The following GINS4 variants were observed in gnomAD, a reference collection of about 807,000 sequenced individuals.
GINS4 encodes GINS complex subunit 4, also known as DNA replication complex GINS protein SLD5.
Under a neutral mutation model 31.1 loss-of-function variants are expected in GINS4, and 20 were observed. The ratio of observed to expected loss-of-function variants is 0.64; its 90% CI spans 0.45 to 0.93. GINS4 has a LOEUF of 0.93. GINS4 is among the 40% of genes least tolerant of loss of function. The pLI is 0.00. For missense variants in GINS4, 245 were observed against 273.9 expected (o/e 0.89, Z 0.75); for synonymous variants, 85 against 97.9 (o/e 0.87, Z 0.78).
At position 41,542,400 on chromosome 8, in the gene GINS4, C is replaced by CA. The variant is rs949795329; in HGVS notation, c.*323dup. ...TTGTCTCAAAAAAAAAAACAAAAAA[C>CA]AAAAAAAAAACAAACTAGGCATAAA... is the stretch of plus-strand genomic sequence containing the variant. On this transcript the variant is annotated 3_prime_UTR_variant, in exon 8 of 8. Coordinates refer to ENST00000276533, the MANE Select transcript of GINS4 (RefSeq NM_032336.3). The CA allele has an allele frequency of 0.014, 4,266 of 296,114 alleles. No individual in the cohort carries two copies. The highest frequency in any genetic ancestry group is 0.026 in the South Asian group (651 of 24,572). 18.3% of individuals were successfully genotyped at this position (296,114 alleles called of 1,614,324 possible).
chr8:41,541,508 C>T (rs903974432), intron 6 of GINS4, among the ~76,000 whole-genome samples: 2 of 152,180 alleles, frequency 1.3e-5, no homozygotes, highest in African/African-American at 2.4e-5. Context: ...GTTAGGGCTT[C>T]AGCGTATGAA....
At chr8:41,534,302 G>T in intron 2 of GINS4, 1 of 395,872 alleles carries the variant, frequency 2.5e-6, no homozygotes, top group Non-Finnish European at 5.1e-6. Context: ...AGCTACTCTG[G>T]AGGCTGAGGC....
chr8:41,531,925 G>A (rs947864369), intron 2 of GINS4, among the ~76,000 whole-genome samples: 16 of 152,306 alleles, frequency 1.1e-4, no homozygotes, highest in African/African-American at 3.6e-4. Flanking sequence ...CTGAGTAGCT[G>A]GGCCTACAGG....
At chr8:41,533,302 C>T (rs1806680369) in intron 2 of GINS4, among the ~76,000 whole-genome samples, 1 of 152,240 alleles carries the variant, frequency 6.6e-6, no homozygotes, top group South Asian at 2.1e-4. Flanking sequence ...ATGTGGCACA[C>T]TGCTATGCCA....
intron 2 of GINS4, among the ~76,000 whole-genome samples, chr8:41,535,655 T>C (rs1806729723): frequency 1.3e-5 from 2 of 152,216 alleles, no homozygotes; most frequent in South Asian, 2.1e-4. Flanking sequence ...TTTCCTGTAA[T>C]TGAAAGATAA....
chr8:41,542,446 A>AT lies in GINS4; in HGVS notation c.*359_*360insT, dbSNP rs1390940098. ...ATAAACTCATGAGGTCAGGAGATCAAGACCATCCTGGCTACTAAACCCCAT... is the reference window on the plus strand; with the variant it reads ...ATAAACTCATGAGGTCAGGAGATCAATGACCATCCTGGCTACTAAACCCCAT... On this transcript the variant is annotated 3_prime_UTR_variant, in exon 8 of 8. Coordinates refer to ENST00000276533, the MANE Select transcript of GINS4 (RefSeq NM_032336.3). 1 of 279,418 alleles carries AT rather than the reference A, an allele frequency of 3.6e-6. No individual in the cohort carries two copies. The highest frequency in any genetic ancestry group is 2.2e-5 in the African/African-American group (1 of 45,818). The allele number at this position is 279,418 out of a possible 1,614,324, so 17.3% of individuals were successfully genotyped here.
At chr8:41,535,569 GCAGA>G (rs1806728360) in intron 2 of GINS4, among the ~76,000 whole-genome samples, 1 of 152,108 alleles carries the variant, frequency 6.6e-6, no homozygotes, top group Admixed American at 6.5e-5. Context: ...ATGGGGAGAA[GCAGA>G]CACTCAAGGA....
intron 4 of GINS4, among the ~76,000 whole-genome samples, chr8:41,539,055 C>A (rs575932197): frequency 1.1e-4 from 17 of 151,718 alleles, no homozygotes; most frequent in Non-Finnish European, 2.4e-4. Context: ...GTTACAGGCT[C>A]ACGCCTATAA....
rs1806878666 is a variant in GINS4, at chr8:41,543,424, C to T, written c.*1337C>T. ...GACGTTAACCATCTTGTATTGTGAC[C>T]TGTGGCCGCTTTTCTGGTTTAAGTC... On this transcript the variant is annotated 3_prime_UTR_variant, in exon 8 of 8. Coordinates refer to ENST00000276533, the MANE Select transcript of GINS4 (RefSeq NM_032336.3). 6.6e-6 allele frequency: 1 copy of T among 152,182 alleles called. No homozygotes were observed. The highest frequency in any genetic ancestry group is 1.5e-5 in the Non-Finnish European group (1 of 68,046). The allele number at this position is 152,182 out of a possible 1,614,324, so 9.4% of individuals were successfully genotyped here.
At position 41,542,265 on chromosome 8, in the gene GINS4, T is replaced by C; in HGVS notation, c.*178T>C. On this transcript the variant is annotated 3_prime_UTR_variant, in exon 8 of 8. Coordinates refer to ENST00000276533, the MANE Select transcript of GINS4 (RefSeq NM_032336.3). ...GGGTGTTGGTGGTGTGCACCTGTAATCCCAGCTACTCAGGAGGCCGGGGCA... is the reference window on the plus strand; with the variant it reads ...GGGTGTTGGTGGTGTGCACCTGTAACCCCAGCTACTCAGGAGGCCGGGGCA... 1.7e-6 allele frequency: 1 copy of C among 604,496 alleles called. No homozygotes were observed. Among genetic ancestry groups the C allele is most frequent in the South Asian group, 1.8e-5 (1 of 54,416 alleles). 37.4% of individuals were successfully genotyped at this position (604,496 alleles called of 1,614,324 possible). A position where few individuals can be genotyped will look rare whatever the true frequency, so the allele number is the denominator to read the frequency against.
intron 2 of GINS4, chr8:41,534,361 C>T (rs1255440162): frequency 4.0e-6 from 1 of 246,986 alleles, no homozygotes; most frequent in Non-Finnish European, 8.6e-6. Flanking sequence ...GAGCCATTAT[C>T]ATGCCACTGT....
chr8:41,537,091 G>T, intron 3 of GINS4, 89 bp from the exon 4 acceptor site: 3 of 747,022 alleles, frequency 4.0e-6, no homozygotes, highest in Admixed American at 2.3e-5. Context: ...TGTTTTCCTT[G>T]GACTGAAACA....
chr8:41,542,351 T>C lies in GINS4; in HGVS notation c.*264T>C. ...GTGAGCCGAGGTCGTGCCATTGCACTCCAGCCTGGGTGACAGTGAGACTTT... is the reference window on the plus strand; with the variant it reads ...GTGAGCCGAGGTCGTGCCATTGCACCCCAGCCTGGGTGACAGTGAGACTTT... On this transcript the variant is annotated 3_prime_UTR_variant, in exon 8 of 8. Transcript: ENST00000276533. 1 of 448,004 alleles carries C rather than the reference T, an allele frequency of 2.2e-6. No individual in the cohort carries two copies. The allele number at this position is 448,004 out of a possible 1,614,324, so 27.8% of individuals were successfully genotyped here. A position where few individuals can be genotyped will look rare whatever the true frequency, so the allele number is the denominator to read the frequency against.
In GINS4 at chr8:41,541,992, G is replaced by A. The variant is rs777955735; in HGVS notation, c.577G>A (p.Asp193Asn). 4.3e-6 allele frequency: 7 copies of A among 1,613,868 alleles called. No individual in the cohort carries two copies. In the Admixed American group the frequency reaches 1.2e-4, roughly 27 times the overall value. The change falls in exon 8 of 8, where the codon GAC (aspartate) becomes AAC (asparagine). Residue 193 changes from aspartate (D) to asparagine (N), a missense_variant and splice_region_variant. By Grantham distance (23) the Asp-to-Asn change is conservative (BLOSUM62 1). Coordinates refer to ENST00000276533, the MANE Select transcript of GINS4 (RefSeq NM_032336.3). ...CAAATGTGTTTCCCTCTTTTTCAGG[G>A]ACTACGTGATTGACCTGGAGAAGGG... Reference protein sequence around the residue: ...LVEPDTDEQRDYVIDLEKGSQ... With the variant: ...LVEPDTDEQRNYVIDLEKGSQ...
rs1470783315 is a variant in GINS4, at chr8:41,542,387, AAAAAAC to A, written c.*306_*311del. 4.7e-5 allele frequency: 18 copies of A among 382,822 alleles called. No individual in the cohort carries two copies. The East Asian group carries it at 8.4e-4, about 18-fold the overall frequency. The allele number at this position is 382,822 out of a possible 1,614,324, so 23.7% of individuals were successfully genotyped here. A position where few individuals can be genotyped will look rare whatever the true frequency, so the allele number is the denominator to read the frequency against. Reference sequence around the variant, plus strand: ...TGACAGTGAGACTTTGTCTCAAAAAAAAAAACAAAAAACAAAAAAAAAACAAACTAG... The same window carrying A: ...TGACAGTGAGACTTTGTCTCAAAAAAAAAAAACAAAAAAAAAACAAACTAG... On this transcript the variant is annotated 3_prime_UTR_variant, in exon 8 of 8. Coordinates refer to ENST00000276533, the MANE Select transcript of GINS4 (RefSeq NM_032336.3).
intron 2 of GINS4, among the ~76,000 whole-genome samples, chr8:41,535,199 A>T (rs1410119268): frequency 2.0e-5 from 3 of 152,062 alleles, no homozygotes; most frequent in Non-Finnish European, 4.4e-5. Context: ...TTAGCTGGGC[A>T]TAGTGGCACA....
intron 2 of GINS4, among the ~76,000 whole-genome samples, chr8:41,533,349 C>G (rs1806680974): frequency 6.6e-6 from 1 of 152,240 alleles, no homozygotes; most frequent in South Asian, 2.1e-4. Context: ...CCTTCCAGGA[C>G]AGCTGGAGCC....
At chr8:41,540,757 G>A (rs915427250) in intron 6 of GINS4, among the ~76,000 whole-genome samples, 2 of 152,322 alleles carry the variant, frequency 1.3e-5, no homozygotes, top group South Asian at 4.1e-4. Flanking sequence ...CAGTACACCC[G>A]AGCCCTGGAA....
intron 2 of GINS4, among the ~76,000 whole-genome samples, chr8:41,532,548 G>A (rs113321799): frequency 0.022 from 3,418 of 152,044 alleles, 57 homozygotes; most frequent in Middle Eastern, 0.051. Flanking sequence ...TAAGAATATA[G>A]GGCAGGCCGG....
Sources: gnomAD v4.1 joint callset for allele counts (sites outside exome capture counted in the v4.1 genomes callset) on GRCh38, gnomAD v4.1.1 for gene constraint, MANE v1.5 for transcripts, NCBI Gene and HGNC (gene_info 2026-07-23, HGNC 2026-07-21) for gene names.